Variants in MAFK observed in about 807,000 individuals in gnomAD.
The protein encoded by MAFK is MAF bZIP transcription factor K, also known as transcription factor MafK.
MAFK carries 1 observed loss-of-function variant against 9.2 expected under a neutral mutation model. The observed-to-expected ratio is 0.11, with a 90% CI of 0.04 to 0.52. MAFK has a LOEUF of 0.52. Among genes scored for constraint, MAFK ranks in the 20% least tolerant of loss-of-function variants. The pLI is 0.94. For synonymous variants in MAFK, 110 were observed against 107.4 expected (o/e 1.02, Z -0.15); for missense variants, 207 against 236.0 (o/e 0.88, Z 0.81).
intron 2 of MAFK, 85 bp downstream of exon 2, chr7:1,539,313 G>T: frequency 1.7e-6 from 2 of 1,171,136 alleles, no homozygotes; most frequent in Non-Finnish European, 1.2e-6. Flanking sequence ...TCCCAGGGCC[G>T]TCCTGAGCCT....
At chr7:1,538,133 C>T (rs1365095205) in intron 1 of MAFK, 5 of 334,260 alleles carry the variant, frequency 1.5e-5, no homozygotes, top group South Asian at 1.2e-4. Context: ...CCATGACAAC[C>T]GTGGGGGCTG....
chr7:1,535,277 A>G (rs1784001097), intron 1 of MAFK, among the ~76,000 whole-genome samples: 1 of 152,120 alleles, frequency 6.6e-6, no homozygotes. Context: ...TTGTGCCAGC[A>G]CAGCAAGAGG....
intron 1 of MAFK, among the ~76,000 whole-genome samples, chr7:1,536,437 C>T (rs1056870525): frequency 6.6e-6 from 1 of 152,168 alleles, no homozygotes; most frequent in Non-Finnish European, 1.5e-5. Flanking sequence ...CGGGGTAGTG[C>T]ACGGGCGTCT....
chr7:1,540,510 C>A lies in MAFK; in HGVS notation c.*135C>A. 5.5e-6 allele frequency: 5 copies of A among 901,046 alleles called. No individual in the cohort carries two copies. The South Asian group carries it at 7.1e-5, about 13-fold the overall frequency. 55.8% of individuals were successfully genotyped at this position (901,046 alleles called of 1,614,324 possible). ...GCAGGCCCCTCGGGCGCAGGCAGCT[C>A]ACACCAGGAAGAGACTGTATTGCAG... On this transcript the variant is annotated 3_prime_UTR_variant, in exon 3 of 3. Transcript: ENST00000343242.
intron 1 of MAFK, among the ~76,000 whole-genome samples, chr7:1,535,921 C>T (rs753132539): frequency 3.3e-5 from 5 of 152,238 alleles, no homozygotes; most frequent in Admixed American, 2.0e-4. Context: ...CAGCTGCAGC[C>T]GCAGGAATTG....
At chr7:1,538,848 C>T (rs902409304) in intron 1 of MAFK, 22 of 308,174 alleles carry the variant, frequency 7.1e-5, no homozygotes, top group East Asian at 2.1e-4. Context: ...AGCAGGGGGC[C>T]GCACCTGGCT....
chr7:1,540,149 A>G lies in MAFK; in HGVS notation c.245A>G (p.Gln82Arg). The G allele has an allele frequency of 1.9e-6, 3 of 1,569,976 alleles. No homozygotes were observed. Among genetic ancestry groups the G allele is most frequent in the Non-Finnish European group, 2.6e-6 (3 of 1,157,892 alleles). The change falls in exon 3 of 3, where the codon CAG (glutamine) becomes CGG (arginine). Residue 82 changes from glutamine (Q) to arginine (R), a missense_variant. Physicochemically the swap from Gln to Arg is conservative, Grantham distance 43 (BLOSUM62 1). Transcript: ENST00000343242. ...ACGCAGAAGGAGGAGCTGGAGCGGC[A>G]GCGCGTGGAGCTGCAGCAGGAGGTG... Reference protein sequence around the residue: ...RVTQKEELERQRVELQQEVEK... With the variant: ...RVTQKEELERRRVELQQEVEK...
In MAFK at chr7:1,532,259, T is replaced by C. The variant is rs1554284904; in HGVS notation, c.-45+1361T>C. 3.9e-5 allele frequency among the ~76,000 whole-genome samples: 6 copies of C among 152,172 alleles called. No individual in the cohort carries two copies. Among genetic ancestry groups the C allele is most frequent in the Non-Finnish European group, 8.8e-5 (6 of 68,034 alleles). On this transcript the variant is annotated intron_variant, in intron 1 of 2. Coordinates refer to ENST00000343242, the MANE Select transcript of MAFK (RefSeq NM_002360.4). The surrounding 1 kb of genome is among the most constrained non-coding windows in gnomAD (Gnocchi z 4.5). The stretch of plus-strand genomic sequence containing the variant: ...TCCAAACCCAATGTCTTCAGGGACA[T>C]GGAGCATTAAAAGAGCCGTGGGCGG...
intron 2 of MAFK, 52 bp downstream of exon 2, chr7:1,539,280 C>A: frequency 6.8e-7 from 1 of 1,470,554 alleles, no homozygotes; most frequent in Non-Finnish European, 9.3e-7. Context: ...TGGGAAAGGC[C>A]CCCGGCCCGA....
At chr7:1,533,293 C>T (rs1311920140) in intron 1 of MAFK, among the ~76,000 whole-genome samples, 2 of 152,216 alleles carry the variant, frequency 1.3e-5, no homozygotes, top group Non-Finnish European at 2.9e-5. Context: ...CCATGCGGGG[C>T]CGGCTCATCT....
rs970702676 is a variant in MAFK at position 1,541,823 on chromosome 7, C to G, written c.*1448C>G. 1.3e-5 allele frequency: 2 copies of G among 152,298 alleles called. No homozygotes were observed. The highest frequency in any genetic ancestry group is 4.8e-5 in the African/African-American group (2 of 41,440). 9.4% of individuals were successfully genotyped at this position (152,298 alleles called of 1,614,324 possible). A position where few individuals can be genotyped will look rare whatever the true frequency, so the allele number is the denominator to read the frequency against. The stretch of plus-strand genomic sequence containing the variant: ...TGAGGGTCCCTCCTGTGACTGGGGT[C>G]TCTGCAGCGAGAGCCGCGGGGGTTG... On this transcript the variant is annotated 3_prime_UTR_variant, in exon 3 of 3. Coordinates refer to ENST00000343242, the MANE Select transcript of MAFK (RefSeq NM_002360.4).
intron 1 of MAFK, among the ~76,000 whole-genome samples, chr7:1,531,795 G>T (rs149271112): frequency 1.3e-5 from 2 of 151,860 alleles, no homozygotes; most frequent in Non-Finnish European, 2.9e-5. Flanking sequence ...ACCTGGGTCC[G>T]CCTGGGACAC....
At chr7:1,539,462 C>T (rs1243882064) in intron 2 of MAFK, among the ~76,000 whole-genome samples, 1 of 152,174 alleles carries the variant, frequency 6.6e-6, no homozygotes, top group African/African-American at 2.4e-5. Context: ...GGTCTGCTGC[C>T]TTCCCGCCTG....
intron 1 of MAFK, among the ~76,000 whole-genome samples, chr7:1,535,153 C>T (rs1783998834): frequency 7.3e-6 from 1 of 136,828 alleles, no homozygotes; most frequent in African/African-American, 2.9e-5. Flanking sequence ...AACTACTGGG[C>T]TCGAGCATTC....
rs1414632473 is a variant in MAFK at position 1,532,752 on chromosome 7, T to C, written c.-45+1854T>C. On this transcript the variant is annotated intron_variant, in intron 1 of 2. Transcript: ENST00000343242. The surrounding 1 kb of genome is among the most constrained non-coding windows in gnomAD (Gnocchi z 4.5). ...GTTTGTTTACAGTCTCTGGCAAAGC[T>C]GTTTGCCACCCAGACGGAGAAGAAG... Among the ~76,000 whole-genome samples, 4 of 152,200 alleles carry C rather than the reference T, an allele frequency of 2.6e-5. No individual in the cohort carries two copies. The highest frequency in any genetic ancestry group is 5.9e-5 in the Non-Finnish European group (4 of 68,018).
rs144329114 is a variant in MAFK, at chr7:1,536,711, G to A, written c.-44-2438G>A. ...GCCTCTGATGTTTAAAGCGACATTA[G>A]GTTAAGGCTACTTGGATTTATTCTG... is the stretch of plus-strand genomic sequence containing the variant. On this transcript the variant is annotated intron_variant, in intron 1 of 2. Coordinates refer to ENST00000343242, the MANE Select transcript of MAFK (RefSeq NM_002360.4). Among the ~76,000 whole-genome samples, 6 of 152,364 alleles carry A rather than the reference G, an allele frequency of 3.9e-5. No individual in the cohort carries two copies. In the East Asian group the frequency reaches 7.7e-4, roughly 20 times the overall value.
intron 1 of MAFK, chr7:1,538,487 G>A (rs1784094376): frequency 3.6e-6 from 3 of 823,310 alleles, no homozygotes; most frequent in South Asian, 5.5e-5. Flanking sequence ...TGGGGAGGGC[G>A]GGGCGGGAGG....
In MAFK at chr7:1,540,485, G is replaced by A. The variant is rs979746472; in HGVS notation, c.*110G>A. ...AGACTCTCGACATCCGAGTCCAAGCGCAGGCCCCTCGGGCGCAGGCAGCTC... is the reference window on the plus strand; with the variant it reads ...AGACTCTCGACATCCGAGTCCAAGCACAGGCCCCTCGGGCGCAGGCAGCTC... On this transcript the variant is annotated 3_prime_UTR_variant, in exon 3 of 3. Transcript: ENST00000343242. 2.8e-5 allele frequency: 32 copies of A among 1,134,470 alleles called. No homozygotes were observed. Among genetic ancestry groups the A allele is most frequent in the Admixed American group, 8.8e-5 (3 of 34,250 alleles). The allele number at this position is 1,134,470 out of a possible 1,614,324, so 70.3% of individuals were successfully genotyped here. A position where few individuals can be genotyped will look rare whatever the true frequency, so the allele number is the denominator to read the frequency against.
At position 1,534,659 on chromosome 7, in the gene MAFK, C is replaced by G. The variant is rs750133272; in HGVS notation, c.-45+3761C>G. 21 of 455,836 alleles carry G rather than the reference C, an allele frequency of 4.6e-5. No individual in the cohort carries two copies. Among genetic ancestry groups the G allele is most frequent in the South Asian group, 3.3e-4 (21 of 64,568 alleles). 28.2% of individuals were successfully genotyped at this position (455,836 alleles called of 1,614,324 possible). ...GGCCACTCCGTCTTGGTCAGACTGG[C>G]TGGGCAGCTGAGGGGGTGGGGCATG... On this transcript the variant is annotated intron_variant, in intron 1 of 2. Coordinates refer to ENST00000343242, the MANE Select transcript of MAFK (RefSeq NM_002360.4). The surrounding 1 kb of genome is among the most constrained non-coding windows in gnomAD (Gnocchi z 4.3).
Sources: allele counts gnomAD v4.1 joint callset (sites outside exome capture counted in the v4.1 genomes callset), GRCh38; gene constraint gnomAD v4.1.1; non-coding constraint Gnocchi (gnomAD v3.1); transcripts MANE v1.5; gene names NCBI Gene and HGNC (gene_info 2026-07-23, HGNC 2026-07-21).